The following SNAP29 variants were observed in gnomAD, a reference collection of about 807,000 sequenced individuals.
The protein encoded by SNAP29 is synaptosome associated protein 29, also known as synaptosomal-associated protein 29.
In SNAP29, 13 loss-of-function variants were observed where a neutral mutation model predicts 27.9. The ratio of observed to expected loss-of-function variants is 0.47; its 90% CI spans 0.30 to 0.74. The LOEUF is 0.74. SNAP29 is among the 30% of genes least tolerant of loss of function. The probability of loss-of-function intolerance (pLI) is 0.06; values close to 1 mark genes in which losing one functional copy is unlikely to be tolerated. For missense variants in SNAP29, 368 were observed against 336.5 expected (o/e 1.09, Z -0.73); for synonymous variants, 119 against 127.1 (o/e 0.94, Z 0.43).
In SNAP29 at chr22:20,888,554, T is replaced by C. The variant is rs1228032723; in HGVS notation, c.*718T>C. On this transcript the variant is annotated 3_prime_UTR_variant, in exon 5 of 5. Coordinates refer to ENST00000215730, the MANE Select transcript of SNAP29 (RefSeq NM_004782.4). ...GCGACTCCTGGAAATGTGTGGGGAA[T>C]TGGGTGAGCCCCTCTTCCCCACGTG... is the stretch of plus-strand genomic sequence containing the variant. 6.5e-6 allele frequency: 1 copy of C among 153,790 alleles called. No individual in the cohort carries two copies. Among genetic ancestry groups the C allele is most frequent in the East Asian group, 1.9e-4 (1 of 5,210 alleles). The allele number at this position is 153,790 out of a possible 1,614,324, so 9.5% of individuals were successfully genotyped here.
rs544113552 is a variant in SNAP29, at chr22:20,870,832, T to C, written c.434+299T>C. On this transcript the variant is annotated intron_variant, in intron 2 of 4. Transcript: ENST00000215730. ...TACAAATGTGACTCACTTCACATAA[T>C]TTTTGCTTTAAAAAATCTTTAGGGC... 2.7e-5 allele frequency: 12 copies of C among 448,420 alleles called. 1 individual carries two copies. The highest frequency in any genetic ancestry group is 2.4e-4 in the African/African-American group (12 of 50,406). 27.8% of individuals were successfully genotyped at this position (448,420 alleles called of 1,614,324 possible).
chr22:20,885,976 T>C (rs1269695688), intron 4 of SNAP29, among the ~76,000 whole-genome samples: 1 of 152,222 alleles, frequency 6.6e-6, no homozygotes, highest in Non-Finnish European at 1.5e-5. Context: ...TCAGCCTCTC[T>C]GTTTGCTTAT....
In SNAP29 at chr22:20,862,942, G is replaced by A. The variant is rs368465460; in HGVS notation, c.237+3595G>A. ...CTCACTCTGTCAACCAGGCTAGAGT[G>A]CCGTGGTGCAATCTTGGCTCACTGC... On this transcript the variant is annotated intron_variant, in intron 1 of 4. Coordinates refer to ENST00000215730, the MANE Select transcript of SNAP29 (RefSeq NM_004782.4). Among the ~76,000 whole-genome samples the A allele has an allele frequency of 1.1e-4, 16 of 152,232 alleles. No individual in the cohort carries two copies. In the South Asian group the frequency reaches 2.9e-3, roughly 28 times the overall value.
intron 3 of SNAP29, among the ~76,000 whole-genome samples, chr22:20,881,902 G>A (rs1329892233): frequency 1.3e-5 from 2 of 152,154 alleles, no homozygotes; most frequent in African/African-American, 4.8e-5. Context: ...GTTGCAGATG[G>A]AGTTACAATT....
chr22:20,875,402 C>G (rs1479317917), intron 2 of SNAP29, among the ~76,000 whole-genome samples: 2 of 152,206 alleles, frequency 1.3e-5, no homozygotes, highest in Admixed American at 6.5e-5. Context: ...CTCTGCAGTT[C>G]TGTGGGAGCA....
At chr22:20,874,191 C>T (rs1366608610) in intron 2 of SNAP29, among the ~76,000 whole-genome samples, 33 of 147,342 alleles carry the variant, frequency 2.2e-4, no homozygotes, top group African/African-American at 7.9e-4. Context: ...ATGTGTATGG[C>T]GTGAACCCAG....
intron 1 of SNAP29, among the ~76,000 whole-genome samples, chr22:20,861,493 G>A (rs1202287185): frequency 2.0e-5 from 3 of 151,888 alleles, no homozygotes; most frequent in South Asian, 2.1e-4. Context: ...GCTGGAGTGC[G>A]ATGGTGTGAT....
intron 4 of SNAP29, among the ~76,000 whole-genome samples, chr22:20,885,729 A>G (rs1601655880): frequency 6.6e-6 from 1 of 152,196 alleles, no homozygotes; most frequent in African/African-American, 2.4e-5. Context: ...TACCGGCAGG[A>G]CGCAGTCTAG....
chr22:20,887,657 G>A lies in SNAP29; in HGVS notation c.620-22G>A, dbSNP rs182953080. 6.5e-5 allele frequency: 105 copies of A among 1,614,054 alleles called. No individual in the cohort carries two copies. The African/African-American group carries it at 9.3e-4, about 14-fold the overall frequency. On this transcript the variant is annotated intron_variant, in intron 4 of 4. Coordinates refer to ENST00000215730, the MANE Select transcript of SNAP29 (RefSeq NM_004782.4). ...GCCGTGACTGTTTGCTCATGCCTGCGTGTCATTTCCTCCTCCTGCAGATGA... is the reference window on the plus strand; with the variant it reads ...GCCGTGACTGTTTGCTCATGCCTGCATGTCATTTCCTCCTCCTGCAGATGA...
intron 2 of SNAP29, among the ~76,000 whole-genome samples, chr22:20,872,417 T>C (rs935692112): frequency 3.9e-5 from 6 of 152,072 alleles, no homozygotes; most frequent in South Asian, 2.1e-4. Flanking sequence ...TTCTTTTTTT[T>C]TGAGACGGAG....
intron 4 of SNAP29, among the ~76,000 whole-genome samples, chr22:20,886,039 C>T (rs561653353): frequency 2.6e-5 from 4 of 152,148 alleles, no homozygotes; most frequent in African/African-American, 9.6e-5. Context: ...GAGGCAACCA[C>T]AGGCTCTGCT....
intron 2 of SNAP29, among the ~76,000 whole-genome samples, chr22:20,880,351 A>C (rs1448183619): frequency 6.6e-6 from 1 of 152,086 alleles, no homozygotes; most frequent in African/African-American, 2.4e-5. Context: ...TACAGAAATT[A>C]GCTGGGGATG....
In SNAP29 at chr22:20,888,066, T is replaced by C; in HGVS notation, c.*230T>C. The C allele has an allele frequency of 3.7e-6, 2 of 536,298 alleles. No homozygotes were observed. Among genetic ancestry groups the C allele is most frequent in the Non-Finnish European group, 6.7e-6 (2 of 298,356 alleles). 33.2% of individuals were successfully genotyped at this position (536,298 alleles called of 1,614,324 possible). ...CCAGCAAAATGCTTATTAGAGTTTT[T>C]GTCTGAGCACAGTAGCCTGGCCCTG... On this transcript the variant is annotated 3_prime_UTR_variant, in exon 5 of 5. Transcript: ENST00000215730.
chr22:20,890,552 T>G lies in SNAP29; in HGVS notation c.*2716T>G, dbSNP rs1434524759. 1 of 362,698 alleles carries G rather than the reference T, an allele frequency of 2.8e-6. No homozygotes were observed. Among genetic ancestry groups the G allele is most frequent in the Non-Finnish European group, 4.9e-6 (1 of 204,220 alleles). 22.5% of individuals were successfully genotyped at this position (362,698 alleles called of 1,614,324 possible). Reference sequence around the variant, plus strand: ...GCGGGGGGATCACGAGGTCAGGAGATCGAGACCATCCTGGCTAACACGGTG... The same window carrying G: ...GCGGGGGGATCACGAGGTCAGGAGAGCGAGACCATCCTGGCTAACACGGTG... On this transcript the variant is annotated 3_prime_UTR_variant, in exon 5 of 5. Coordinates refer to ENST00000215730, the MANE Select transcript of SNAP29 (RefSeq NM_004782.4).
intron 1 of SNAP29, among the ~76,000 whole-genome samples, chr22:20,862,455 G>A (rs548143223): frequency 1.3e-5 from 2 of 152,316 alleles, no homozygotes; most frequent in South Asian, 4.1e-4. Context: ...GGGTCCAGAG[G>A]AGGGACATGA....
chr22:20,874,296 TGACACACACA>T (rs201047800), intron 2 of SNAP29, among the ~76,000 whole-genome samples: 2,345 of 142,532 alleles, frequency 0.016, 165 homozygotes, highest in Admixed American at 0.12. Context: ...AGCAAGACTC[TGACACACACA>T]GACACACACA....
chr22:20,886,005 C>T (rs1487420457), intron 4 of SNAP29, among the ~76,000 whole-genome samples: 1 of 152,134 alleles, frequency 6.6e-6, no homozygotes, highest in Non-Finnish European at 1.5e-5. Context: ...GCCCTGGCTG[C>T]CAGTGAGCTT....
rs1186239811 is a variant in SNAP29 at position 20,859,152 on chromosome 22, C to T, written c.42C>T (p.Asp14=). The T allele has an allele frequency of 6.2e-7, 1 of 1,607,582 alleles. No homozygotes were observed. ...YPKSYNPFDD[D]GEDEGARPAP... is the part of the protein sequence containing the mutation. ...AAAGCTACAATCCGTTCGACGACGA[C>T]GGGGAGGACGAAGGCGCCCGGCCGG... The change falls in exon 1 of 5, where the codon GAC becomes GAT. Residue 14 remains aspartate, a synonymous_variant. Transcript: ENST00000215730.
At chr22:20,866,840 G>C (rs1211084826) in intron 1 of SNAP29, among the ~76,000 whole-genome samples, 3 of 152,130 alleles carry the variant, frequency 2.0e-5, no homozygotes, top group Admixed American at 1.3e-4. Context: ...CTCTCCTCCA[G>C]CCTCAACAGG....
Sources: gnomAD v4.1 joint callset for allele counts (sites outside exome capture counted in the v4.1 genomes callset) on GRCh38, gnomAD v4.1.1 for gene constraint, MANE v1.5 for transcripts, NCBI Gene and HGNC (gene_info 2026-07-23, HGNC 2026-07-21) for gene names.